PPARGC1B: variants seen among roughly 807,000 people sequenced by gnomAD.
PPARGC1B encodes the protein PPARG coactivator 1 beta, also known as peroxisome proliferator-activated receptor gamma coactivator 1-beta.
In PPARGC1B, 34 loss-of-function variants were observed where a neutral mutation model predicts 101.6. The observed-to-expected ratio is 0.33, with a 90% CI of 0.25 to 0.45. The LOEUF is 0.45. Ranked by LOEUF, PPARGC1B falls within the 20% of genes least tolerant of loss-of-function variation. The pLI, the probability that PPARGC1B is intolerant of heterozygous loss-of-function variation, is 1.00. For synonymous variants in PPARGC1B, 548 were observed against 539.3 expected, an observed-to-expected ratio of 1.02 and a Z score of -0.22; for missense variants, 1,234 against 1,317.6, an observed-to-expected ratio of 0.94 and a Z score of 0.98.
At chr5:149,798,770 A>T (rs1024111852) in intron 1 of PPARGC1B, among the ~76,000 whole-genome samples, 1 of 152,086 alleles carries the variant, frequency 6.6e-6, no homozygotes, top group African/African-American at 2.4e-5. Context: ...CATCCCTGGG[A>T]CTCAGTTTCC....
rs759642991 is a variant in PPARGC1B at position 149,755,747 on chromosome 5, G to A, written c.78+25327G>A. 7.8e-4 allele frequency among the ~76,000 whole-genome samples: 118 copies of A among 151,630 alleles called. 1 individual carries two copies. The highest frequency in any genetic ancestry group is 1.4e-3 in the Non-Finnish European group (94 of 67,896). ...CAACCTCTGCCTCCAGGGTTCAAGC[G>A]ATTCTCTTGCCTCAGCCTCCCAAGT... is the stretch of plus-strand genomic sequence containing the variant. On this transcript the variant is annotated intron_variant, in intron 1 of 11. Coordinates refer to ENST00000309241, the MANE Select transcript of PPARGC1B (RefSeq NM_133263.4).
At chr5:149,829,453 T>C (rs980677973) in intron 3 of PPARGC1B, among the ~76,000 whole-genome samples, 1 of 152,116 alleles carries the variant, frequency 6.6e-6, no homozygotes, top group Non-Finnish European at 1.5e-5. Flanking sequence ...AGTGGCCTTT[T>C]CTCTGGCTCC....
At chr5:149,821,501 C>T (rs1758293438) in intron 2 of PPARGC1B, among the ~76,000 whole-genome samples, 1 of 152,166 alleles carries the variant, frequency 6.6e-6, no homozygotes, top group Non-Finnish European at 1.5e-5. Context: ...GGGTGATGGA[C>T]ACATTCAGAT....
chr5:149,743,901 A>G (rs1443698308), intron 1 of PPARGC1B, among the ~76,000 whole-genome samples: 1 of 152,168 alleles, frequency 6.6e-6, no homozygotes, highest in Non-Finnish European at 1.5e-5. Context: ...GCTCTGCCTC[A>G]ACTGGGGAGG....
intron 2 of PPARGC1B, among the ~76,000 whole-genome samples, chr5:149,821,677 A>G (rs757140487): frequency 3.9e-5 from 6 of 152,240 alleles, no homozygotes; most frequent in Non-Finnish European, 7.4e-5. Context: ...CGTCCTCCTC[A>G]TGGATTTTAT....
intron 1 of PPARGC1B, among the ~76,000 whole-genome samples, chr5:149,761,267 G>A (rs1755707152): frequency 6.6e-6 from 1 of 152,102 alleles, no homozygotes; most frequent in African/African-American, 2.4e-5. Context: ...ATGTGTCTGT[G>A]TGTGTGGTGA....
intron 8 of PPARGC1B, among the ~76,000 whole-genome samples, chr5:149,838,278 T>C (rs1198558772): frequency 6.6e-6 from 1 of 151,920 alleles, no homozygotes. Context: ...TTTTAGGGGG[T>C]TTGTGGGCTC....
chr5:149,734,344 AAG>A (rs1343221565), intron 1 of PPARGC1B, among the ~76,000 whole-genome samples: 1 of 150,090 alleles, frequency 6.7e-6, no homozygotes, highest in African/African-American at 2.4e-5. Context: ...AAAAAAAAAA[AAG>A]GAGTTATCCT....
At chr5:149,749,278 CCACAGTT>C (rs1231423566) in intron 1 of PPARGC1B, among the ~76,000 whole-genome samples, 1 of 152,188 alleles carries the variant, frequency 6.6e-6, no homozygotes, top group Non-Finnish European at 1.5e-5. Flanking sequence ...ATTTTCACAT[CCACAGTT>C]CACATCCTTG....
chr5:149,844,649 A>G (rs1321698675), intron 10 of PPARGC1B, among the ~76,000 whole-genome samples: 2 of 152,226 alleles, frequency 1.3e-5, no homozygotes, highest in Non-Finnish European at 2.9e-5. Flanking sequence ...CAAAAAACAA[A>G]TAAATAGATA....
chr5:149,799,919 G>A (rs1440828238), intron 1 of PPARGC1B, among the ~76,000 whole-genome samples: 1 of 151,886 alleles, frequency 6.6e-6, no homozygotes, highest in Admixed American at 6.6e-5. Context: ...GGTTGGTCTC[G>A]AACTCCTGAC....
At chr5:149,835,454 G>A (rs554925503) in intron 7 of PPARGC1B, 89 bp downstream of exon 7, 25 of 1,173,440 alleles carry the variant, frequency 2.1e-5, no homozygotes, top group African/African-American at 7.7e-5. Flanking sequence ...AAGGTGCCAC[G>A]CAATGAACGA....
chr5:149,824,699 G>A (rs1441403516), intron 2 of PPARGC1B, among the ~76,000 whole-genome samples: 1 of 152,152 alleles, frequency 6.6e-6, no homozygotes, highest in East Asian at 1.9e-4. Flanking sequence ...TCTGGCCTGA[G>A]GGTTGAAGGA....
chr5:149,742,955 A>T (rs7721656), intron 1 of PPARGC1B, among the ~76,000 whole-genome samples: 2 of 151,874 alleles, frequency 1.3e-5, no homozygotes, highest in African/African-American at 2.4e-5. Context: ...ATCACTAGAT[A>T]TAGGTAAGAG....
chr5:149,833,051 G>A lies in PPARGC1B; in HGVS notation c.978G>A (p.Arg326=), dbSNP rs115557257. ...ACCCCTCCCAGCAGGTCAGATCCCG[G>A]CCCTGGTCCCGGCACCACTCCAAAG... ...CSNPSQQVRS[R]PWSRHHSKAS... is the part of the protein sequence containing the mutation. Residue 326 remains arginine, a synonymous_variant, in exon 5 of 12, where the codon CGG becomes CGA. Coordinates refer to ENST00000309241, the MANE Select transcript of PPARGC1B (RefSeq NM_133263.4). This position sits in a 1 kb window ranked among gnomAD's most constrained non-coding sequence, Gnocchi z 4.1. 1.2e-6 allele frequency: 2 copies of A among 1,613,860 alleles called. No homozygotes were observed. The highest frequency in any genetic ancestry group is 1.7e-6 in the Non-Finnish European group (2 of 1,180,024).
intron 1 of PPARGC1B, among the ~76,000 whole-genome samples, chr5:149,758,966 A>G (rs951394146): frequency 6.6e-6 from 1 of 152,214 alleles, no homozygotes. Context: ...ATTTTATTAC[A>G]AAAGAATTAA....
At chr5:149,816,163 C>T (rs17110463) in intron 1 of PPARGC1B, among the ~76,000 whole-genome samples, 11,364 of 152,248 alleles carry the variant, frequency 0.075, 565 homozygotes, top group Admixed American at 0.15. Flanking sequence ...ATTAATGTGG[C>T]GCTTAATGGT....
At chr5:149,800,270 A>G (rs1215935462) in intron 1 of PPARGC1B, among the ~76,000 whole-genome samples, 2 of 152,180 alleles carry the variant, frequency 1.3e-5, no homozygotes, top group African/African-American at 2.4e-5. Flanking sequence ...CTAACAGCCC[A>G]TCTTGGCAGT....
downstream of PPARGC1B, among the ~76,000 whole-genome samples, chr5:149,857,372 T>C (rs569936611): frequency 1.6e-4 from 25 of 152,202 alleles, no homozygotes; most frequent in African/African-American, 6.0e-4. Context: ...TTGGGAAGGC[T>C]GGGAAGTGGA....
Sources: gnomAD v4.1 joint callset for allele counts (sites outside exome capture counted in the v4.1 genomes callset) on GRCh38, gnomAD v4.1.1 for gene constraint, Gnocchi (gnomAD v3.1) non-coding constraint, MANE v1.5 for transcripts, NCBI Gene and HGNC (gene_info 2026-07-23, HGNC 2026-07-21) for gene names.